The following CPA3 variants were observed in gnomAD, a reference collection of about 807,000 sequenced individuals.
The protein encoded by CPA3 is mast cell carboxypeptidase A.
In CPA3, 52 loss-of-function variants were observed where a neutral mutation model predicts 55.8. The ratio of observed to expected loss-of-function variants is 0.93; its 90% confidence interval spans 0.75 to 1.17. CPA3 has a LOEUF of 1.17. Among genes scored for constraint, CPA3 ranks in the 50% most tolerant of loss-of-function variants. The pLI is 0.00. For missense variants in CPA3, 547 were observed against 509.1 expected (o/e 1.07, Z -0.72); for synonymous variants, 179 against 171.2 (o/e 1.05, Z -0.36).
intron 9 of CPA3, 152 bp from the exon 10 acceptor site, chr3:148,885,941 G>A (rs1714516652): frequency 1.6e-6 from 1 of 625,838 alleles, no homozygotes; most frequent in Non-Finnish European, 2.8e-6. Context: ...ATCTCATAGG[G>A]TTGTTATGAG....
intron 3 of CPA3, among the ~76,000 whole-genome samples, chr3:148,871,925 G>C (rs1305311749): frequency 6.6e-6 from 1 of 152,158 alleles, no homozygotes; most frequent in African/African-American, 2.4e-5. Context: ...GTGTCAGTCA[G>C]TAACAGAAAA....
chr3:148,896,771 A>G lies in CPA3; in HGVS notation c.*64A>G, dbSNP rs1307258668. 2 of 1,282,106 alleles carry G rather than the reference A, an allele frequency of 1.6e-6. No homozygotes were observed. The highest frequency in any genetic ancestry group is 4.8e-5 in the East Asian group (2 of 41,322). 79.4% of individuals were successfully genotyped at this position (1,282,106 alleles called of 1,614,324 possible). A position where few individuals can be genotyped will look rare whatever the true frequency, so the allele number is the denominator to read the frequency against. On this transcript the variant is annotated 3_prime_UTR_variant, in exon 11 of 11. Transcript: ENST00000296046. ...TTTTGTGCCTTTCATCAGAAAGTCA[A>G]TCTTCAGTTATCCCCAAATGCAGCT...
chr3:148,890,139 G>A (rs755308082), intron 10 of CPA3, among the ~76,000 whole-genome samples: 4 of 152,134 alleles, frequency 2.6e-5, no homozygotes, highest in Non-Finnish European at 4.4e-5. Context: ...CAACACCAGA[G>A]TTAAAATGGT....
chr3:148,887,975 C>G (rs1714578675), intron 10 of CPA3, among the ~76,000 whole-genome samples: 1 of 152,174 alleles, frequency 6.6e-6, no homozygotes, highest in Non-Finnish European at 1.5e-5. Context: ...GACCAAATAT[C>G]CAACAGTGTT....
chr3:148,865,505 A>G lies in CPA3; in HGVS notation c.101A>G (p.Glu34Gly). ...EKVFRVKPQD[E>G]KQADIIKDLA... ...GTGTTCCGCGTGAAGCCCCAGGATGAAAAACAAGCAGACATCATAAAGGAC... is the reference window on the plus strand; with the variant it reads ...GTGTTCCGCGTGAAGCCCCAGGATGGAAAACAAGCAGACATCATAAAGGAC... The change falls in exon 2 of 11, where the codon GAA becomes GGA. Residue 34 changes from glutamate to glycine, a missense_variant. Physicochemically the swap from Glu to Gly is moderately conservative, Grantham distance 98. Coordinates refer to ENST00000296046, the MANE Select transcript of CPA3 (RefSeq NM_001870.4). 1 of 1,614,096 alleles carries G rather than the reference A, an allele frequency of 6.2e-7. No individual in the cohort carries two copies. The highest frequency in any genetic ancestry group is 1.1e-5 in the South Asian group (1 of 91,076).
In CPA3 at chr3:148,865,646, T is replaced by C. The variant is rs139030986; in HGVS notation, c.144+98T>C. On this transcript the variant is annotated intron_variant, in intron 2 of 10. Transcript: ENST00000296046. ...ATGCCCATGGGACTACAAAAGACTA[T>C]TGAACATAAGGGGAAAGCAGGAGCT... The C allele has an allele frequency of 4.0e-4, 433 of 1,069,624 alleles. 2 individuals are homozygous for C. The African/African-American group carries it at 6.4e-3, about 16-fold the overall frequency. 66.3% of individuals were successfully genotyped at this position (1,069,624 alleles called of 1,614,324 possible). A position where few individuals can be genotyped will look rare whatever the true frequency, so the allele number is the denominator to read the frequency against.
At chr3:148,890,702 AT>A (rs1178656625) in intron 10 of CPA3, among the ~76,000 whole-genome samples, 3 of 152,216 alleles carry the variant, frequency 2.0e-5, no homozygotes, top group East Asian at 1.9e-4. Flanking sequence ...TTTAAATAAT[AT>A]TTTTTAAAAC....
chr3:148,866,329 A>G (rs912920090), intron 2 of CPA3, among the ~76,000 whole-genome samples: 5 of 152,124 alleles, frequency 3.3e-5, no homozygotes, highest in African/African-American at 1.2e-4. Flanking sequence ...AAATCCACAC[A>G]TTGCCCTCCA....
chr3:148,882,484 T>C, intron 7 of CPA3, 21 bp from the exon 8 acceptor site: 2 of 1,603,014 alleles, frequency 1.2e-6, no homozygotes, highest in Non-Finnish European at 1.7e-6. Flanking sequence ...GTGTAAACAC[T>C]TACGTCATTC....
At chr3:148,892,460 C>A (rs1203132586) in intron 10 of CPA3, among the ~76,000 whole-genome samples, 1 of 152,042 alleles carries the variant, frequency 6.6e-6, no homozygotes, top group Non-Finnish European at 1.5e-5. Context: ...CGAGACCAGC[C>A]TGGCCAACAT....
intron 10 of CPA3, among the ~76,000 whole-genome samples, chr3:148,893,056 T>C: frequency 6.6e-6 from 1 of 152,092 alleles, no homozygotes; most frequent in East Asian, 1.9e-4. Flanking sequence ...CCTGCTAAAT[T>C]GAAGATTTAA....
chr3:148,885,947 A>G (rs1019836722), intron 9 of CPA3, 146 bp from the exon 10 acceptor site: 2 of 633,874 alleles, frequency 3.2e-6, no homozygotes, highest in Non-Finnish European at 5.5e-6. Flanking sequence ...TAGGGTTGTT[A>G]TGAGTCTTGA....
At chr3:148,871,630 T>A (rs183582264) in intron 3 of CPA3, among the ~76,000 whole-genome samples, 1 of 152,216 alleles carries the variant, frequency 6.6e-6, no homozygotes, top group Admixed American at 6.5e-5. Context: ...CAAATTAGTG[T>A]GTTTTTCACT....
intron 2 of CPA3, among the ~76,000 whole-genome samples, chr3:148,866,052 A>G (rs1035576006): frequency 2.6e-5 from 4 of 152,208 alleles, no homozygotes; most frequent in East Asian, 1.9e-4. Flanking sequence ...TAATTTTATC[A>G]TGTATTCAGC....
chr3:148,867,072 G>A (rs1713921083), intron 2 of CPA3, among the ~76,000 whole-genome samples: 1 of 152,040 alleles, frequency 6.6e-6, no homozygotes, highest in South Asian at 2.1e-4. Flanking sequence ...ATTTTCTTTT[G>A]GTATTGGTAT....
Position 148,881,584 on chromosome 3 carries a change from C to T in CPA3, c.639C>T (p.Tyr213=). 6.2e-7 allele frequency: 1 copy of T among 1,613,068 alleles called. No homozygotes were observed. The highest frequency in any genetic ancestry group is 1.3e-5 in the African/African-American group (1 of 74,994). ...MTKLLDRMNF[Y]ILPVFNVDGY... is the part of the protein sequence containing the mutation. ...AACTCTTGGACCGAATGAATTTTTA[C>T]ATTCTTCCTGTGTTCAATGTTGATG... Residue 213 remains tyrosine, a synonymous_variant, in exon 7 of 11, where the codon TAC becomes TAT. Coordinates refer to ENST00000296046, the MANE Select transcript of CPA3 (RefSeq NM_001870.4).
intron 10 of CPA3, among the ~76,000 whole-genome samples, 156 bp downstream of exon 10, chr3:148,886,333 G>A (rs1231263509): frequency 6.6e-6 from 1 of 152,134 alleles, no homozygotes; most frequent in African/African-American, 2.4e-5. Flanking sequence ...CGTGAATCTA[G>A]GGGATAGATT....
Position 148,879,833 on chromosome 3 carries a change from G to A in CPA3, c.520G>A (p.Gly174Ser). 6.2e-7 allele frequency: 1 copy of A among 1,612,748 alleles called. No homozygotes were observed. The highest frequency in any genetic ancestry group is 8.5e-7 in the Non-Finnish European group (1 of 1,178,892). Residue 174 changes from glycine (G) to serine (S), a missense_variant, in exon 6 of 11, where the codon GGC becomes AGC. Gly to Ser is a moderately conservative substitution (Grantham distance 56, BLOSUM62 0). Coordinates refer to ENST00000296046, the MANE Select transcript of CPA3 (RefSeq NM_001870.4). Reference sequence around the variant, plus strand: ...AAGAAAGGCTATTTTTACGGATTGTGGCATTCACGCACGAGAATGGGTCTC... The same window carrying A: ...AAGAAAGGCTATTTTTACGGATTGTAGCATTCACGCACGAGAATGGGTCTC... ...ERRKAIFTDCGIHAREWVSPA... is the reference protein window; with the variant it reads ...ERRKAIFTDCSIHAREWVSPA...
chr3:148,896,966 G>A lies in CPA3; in HGVS notation c.*259G>A, dbSNP rs1024411083. 1.4e-5 allele frequency: 4 copies of A among 284,772 alleles called. No homozygotes were observed. In the Admixed American group the frequency reaches 1.5e-4, roughly 11 times the overall value. The allele number at this position is 284,772 out of a possible 1,614,324, so 17.6% of individuals were successfully genotyped here. On this transcript the variant is annotated 3_prime_UTR_variant, in exon 11 of 11. Coordinates refer to ENST00000296046, the MANE Select transcript of CPA3 (RefSeq NM_001870.4). ...CCAGCAGAAAGCATTATTTTGAAAGGTGATATACAGTGGGGCACAGAAAAC... is the reference window on the plus strand; with the variant it reads ...CCAGCAGAAAGCATTATTTTGAAAGATGATATACAGTGGGGCACAGAAAAC...
Sources: allele counts gnomAD v4.1 joint callset (sites outside exome capture counted in the v4.1 genomes callset), GRCh38; gene constraint gnomAD v4.1.1; transcripts MANE v1.5; gene names NCBI Gene and HGNC (gene_info 2026-07-23, HGNC 2026-07-21).